Variants in CIMIP6 observed in about 807,000 individuals in gnomAD.
The protein encoded by CIMIP6 is uncharacterized protein C2orf73.
the CIMIP6 span, chr2:54,334,744 C>A: frequency 9.6e-7 from 1 of 1,038,518 alleles, no homozygotes; most frequent in Non-Finnish European, 1.4e-6. Context: ...ATATTTAAAT[C>A]TTATTTTACA....
At chr2:54,371,158 C>T in the CIMIP6 span, among the ~76,000 whole-genome samples, 2 of 152,174 alleles carry the variant, frequency 1.3e-5, no homozygotes, top group South Asian at 4.1e-4. Context: ...TGTTTTTAGG[C>T]TGTTTAAGAA....
the CIMIP6 span, among the ~76,000 whole-genome samples, chr2:54,349,384 TA>T: frequency 6.6e-6 from 1 of 152,158 alleles, no homozygotes; most frequent in East Asian, 1.9e-4. Context: ...TTTCTCAAAG[TA>T]AAACTCCTAA....
the CIMIP6 span, among the ~76,000 whole-genome samples, chr2:54,364,745 T>G: frequency 6.6e-6 from 1 of 152,192 alleles, no homozygotes; most frequent in Admixed American, 6.5e-5. Context: ...GACTGCAACT[T>G]TACTGCATTT....
chr2:54,346,529 C>G, the CIMIP6 span, among the ~76,000 whole-genome samples: 3 of 152,166 alleles, frequency 2.0e-5, no homozygotes, highest in African/African-American at 4.8e-5. Flanking sequence ...TTCATTTCCT[C>G]CATCCAAACT....
At chr2:54,366,568 C>T in the CIMIP6 span, among the ~76,000 whole-genome samples, 3 of 152,092 alleles carry the variant, frequency 2.0e-5, no homozygotes, top group Admixed American at 6.5e-5. Context: ...GAAATCCAGA[C>T]ATAGACGCAT....
chr2:54,347,396 C>T, the CIMIP6 span, among the ~76,000 whole-genome samples: 1 of 152,216 alleles, frequency 6.6e-6, no homozygotes, highest in Non-Finnish European at 1.5e-5. Context: ...TCAGTGGACA[C>T]CTCCTCAAAG....
At chr2:54,375,892 G>GTGTGTC in the CIMIP6 span, among the ~76,000 whole-genome samples, 1 of 152,046 alleles carries the variant, frequency 6.6e-6, no homozygotes, top group African/African-American at 2.4e-5. Flanking sequence ...GGGGGTGTGT[G>GTGTGTC]TGTGTGTGTG....
At chr2:54,347,625 G>T in the CIMIP6 span, among the ~76,000 whole-genome samples, 1 of 152,242 alleles carries the variant, frequency 6.6e-6, no homozygotes, top group South Asian at 2.1e-4. Context: ...ATAAGGCAGG[G>T]CTCAGTCATT....
the CIMIP6 span, chr2:54,334,967 A>G: frequency 1.9e-6 from 3 of 1,605,120 alleles, no homozygotes; most frequent in Non-Finnish European, 2.6e-6. Flanking sequence ...ACACAAATGC[A>G]AGAACATACA....
chr2:54,381,454 C>G, the CIMIP6 span, among the ~76,000 whole-genome samples: 2 of 152,288 alleles, frequency 1.3e-5, no homozygotes, highest in South Asian at 4.1e-4. Context: ...TGTTTTCTCA[C>G]GTTTTCTTAA....
At chr2:54,380,540 A>C in the CIMIP6 span, among the ~76,000 whole-genome samples, 1 of 152,142 alleles carries the variant, frequency 6.6e-6, no homozygotes, top group African/African-American at 2.4e-5. Context: ...GACCTCTGAG[A>C]TGCTACTCCA....
chr2:54,352,009 T>C, the CIMIP6 span, among the ~76,000 whole-genome samples: 1 of 152,000 alleles, frequency 6.6e-6, no homozygotes, highest in South Asian at 2.1e-4. Context: ...CTAAGAAAAC[T>C]TGCAAAACCT....
the CIMIP6 span, chr2:54,361,621 A>G: frequency 6.6e-6 from 1 of 152,186 alleles, no homozygotes. Context: ...GGGGACTTCT[A>G]GTTCTTGCCA....
the CIMIP6 span, among the ~76,000 whole-genome samples, chr2:54,349,872 G>A: frequency 4.8e-5 from 7 of 145,972 alleles, no homozygotes; most frequent in South Asian, 2.1e-4. Flanking sequence ...TTTTTGAGAC[G>A]GAGTCTCGCT....
the CIMIP6 span, among the ~76,000 whole-genome samples, chr2:54,383,962 A>C: frequency 6.6e-6 from 1 of 152,164 alleles, no homozygotes; most frequent in Non-Finnish European, 1.5e-5. Flanking sequence ...ATGACACAGC[A>C]AGAAGGCCCT....
the CIMIP6 span, among the ~76,000 whole-genome samples, chr2:54,353,829 C>T: frequency 2.0e-5 from 3 of 152,084 alleles, no homozygotes; most frequent in Non-Finnish European, 4.4e-5. Flanking sequence ...ATTAGCTTTG[C>T]CCATGGTGTC....
At chr2:54,362,234 A>T in the CIMIP6 span, among the ~76,000 whole-genome samples, 1 of 152,242 alleles carries the variant, frequency 6.6e-6, no homozygotes, top group South Asian at 2.1e-4. Context: ...AGATAGTCAC[A>T]AACAAAAATT....
chr2:54,381,167 C>T, the CIMIP6 span, among the ~76,000 whole-genome samples: 4 of 152,186 alleles, frequency 2.6e-5, no homozygotes, highest in African/African-American at 9.7e-5. Context: ...CTCCTGCTTT[C>T]AAGGCCTGGT....
the CIMIP6 span, among the ~76,000 whole-genome samples, chr2:54,370,867 G>T: frequency 6.6e-6 from 1 of 152,142 alleles, no homozygotes; most frequent in Non-Finnish European, 1.5e-5. Context: ...CCGTACCCAG[G>T]GTCGCCTGCC....
Sources: gnomAD v4.1 joint callset for allele counts (sites outside exome capture counted in the v4.1 genomes callset) on GRCh38, gnomAD v4.1.1 for gene constraint, MANE v1.5 for transcripts, NCBI Gene and HGNC (gene_info 2026-07-23, HGNC 2026-07-21) for gene names.